The following NR6A1 variants were observed in gnomAD, a reference collection of about 807,000 sequenced individuals.
NR6A1 encodes retinoic acid receptor-related testis-associated receptor.
NR6A1 carries 7 observed loss-of-function variants against 59.1 expected under a neutral mutation model. The ratio of observed to expected loss-of-function variants is 0.12; its 90% CI spans 0.07 to 0.22. NR6A1 has a LOEUF of 0.22. NR6A1 is among the 10% of genes least tolerant of loss of function. The pLI is 1.00. For synonymous variants in NR6A1, 243 were observed against 236.1 expected, an observed-to-expected ratio of 1.03 and a Z score of -0.27; for missense variants, 468 against 611.6, an observed-to-expected ratio of 0.77 and a Z score of 2.48.
intron 2 of NR6A1, among the ~76,000 whole-genome samples, chr9:124,612,323 T>G (rs981537617): frequency 2.0e-5 from 3 of 152,044 alleles, no homozygotes; most frequent in Non-Finnish European, 2.9e-5. Flanking sequence ...AGACCCTCCA[T>G]AGAACTGACC....
intron 2 of NR6A1, among the ~76,000 whole-genome samples, chr9:124,653,134 A>G (rs939796439): frequency 3.3e-5 from 5 of 152,202 alleles, no homozygotes; most frequent in African/African-American, 1.2e-4. Context: ...TTCAAGTCTC[A>G]GCTCTGCCTC....
At chr9:124,532,144 T>C (rs1833118582) in intron 7 of NR6A1, among the ~76,000 whole-genome samples, 1 of 152,208 alleles carries the variant, frequency 6.6e-6, no homozygotes, top group Non-Finnish European at 1.5e-5. Context: ...CTCTAGTCAA[T>C]TCTCCCCTCA....
chr9:124,569,830 T>C (rs1427542509), intron 2 of NR6A1, among the ~76,000 whole-genome samples: 1 of 152,236 alleles, frequency 6.6e-6, no homozygotes, highest in East Asian at 1.9e-4. Flanking sequence ...CATACTACTA[T>C]AAAATTCCAT....
At chr9:124,764,166 AGAGT>A (rs1840861212) in intron 1 of NR6A1, among the ~76,000 whole-genome samples, 1 of 150,552 alleles carries the variant, frequency 6.6e-6, no homozygotes, top group South Asian at 2.1e-4. Context: ...CCTGGGCAAC[AGAGT>A]GAGACTCCAT....
intron 2 of NR6A1, among the ~76,000 whole-genome samples, chr9:124,602,175 C>G (rs1835469158): frequency 1.3e-5 from 2 of 152,098 alleles, no homozygotes; most frequent in African/African-American, 4.8e-5. Context: ...AAGATTTTAT[C>G]CATGAATTTT....
At chr9:124,626,379 T>G (rs189785850) in intron 2 of NR6A1, among the ~76,000 whole-genome samples, 158 of 152,270 alleles carry the variant, frequency 1.0e-3, no homozygotes, top group African/African-American at 3.5e-3. Context: ...TCTCCATCCA[T>G]CCAGCCAGCC....
intron 2 of NR6A1, among the ~76,000 whole-genome samples, chr9:124,651,948 GC>G (rs1837118037): frequency 6.6e-6 from 1 of 152,074 alleles, no homozygotes; most frequent in Non-Finnish European, 1.5e-5. Context: ...AAGCTTGACA[GC>G]CAATCTAATT....
chr9:124,676,279 T>G (rs1354409677), intron 2 of NR6A1, among the ~76,000 whole-genome samples: 1 of 152,160 alleles, frequency 6.6e-6, no homozygotes, highest in East Asian at 1.9e-4. Flanking sequence ...AATATTGAGC[T>G]GCAAACTCTG....
intron 2 of NR6A1, among the ~76,000 whole-genome samples, chr9:124,583,712 A>G (rs1206527005): frequency 1.3e-5 from 2 of 152,164 alleles, no homozygotes; most frequent in African/African-American, 2.4e-5. Context: ...GCATGTGCTC[A>G]TGCTGCTCCT....
intron 2 of NR6A1, among the ~76,000 whole-genome samples, chr9:124,688,977 G>C (rs1357879640): frequency 6.6e-6 from 1 of 152,090 alleles, no homozygotes; most frequent in African/African-American, 2.4e-5. Flanking sequence ...AAACTAAAAC[G>C]TTATGGGAAA....
At chr9:124,634,539 C>G (rs1200295815) in intron 2 of NR6A1, among the ~76,000 whole-genome samples, 1 of 151,958 alleles carries the variant, frequency 6.6e-6, no homozygotes. Flanking sequence ...GACTTTATTT[C>G]TGCCGGGCAC....
At chr9:124,718,544 G>A (rs1839469993) in intron 2 of NR6A1, among the ~76,000 whole-genome samples, 2 of 152,266 alleles carry the variant, frequency 1.3e-5, no homozygotes, top group East Asian at 3.9e-4. Flanking sequence ...TGGCAGAATA[G>A]CCATGGAAAT....
At chr9:124,668,525 A>G (rs1588763340) in intron 2 of NR6A1, among the ~76,000 whole-genome samples, 1 of 152,342 alleles carries the variant, frequency 6.6e-6, no homozygotes, top group East Asian at 1.9e-4. Context: ...GATAATACAG[A>G]AAAACATAAA....
chr9:124,673,637 G>A (rs1214488829), intron 2 of NR6A1, among the ~76,000 whole-genome samples: 1 of 152,018 alleles, frequency 6.6e-6, no homozygotes, highest in African/African-American at 2.4e-5. Context: ...AATCTATAGA[G>A]TAATGAATCC....
At chr9:124,588,156 T>C (rs571280758) in intron 2 of NR6A1, among the ~76,000 whole-genome samples, 43 of 152,346 alleles carry the variant, frequency 2.8e-4, no homozygotes, top group South Asian at 2.1e-4. Context: ...TGATGGACTT[T>C]CCATACTAAA....
chr9:124,529,367 T>A lies in NR6A1; in HGVS notation c.1080-2467A>T, dbSNP rs184295839. Among the ~76,000 whole-genome samples the A allele has an allele frequency of 2.3e-4, 35 of 152,304 alleles. No individual in the cohort carries two copies. In the South Asian group the frequency reaches 4.1e-3, roughly 18 times the overall value. On this transcript the variant is annotated intron_variant, in intron 7 of 9. Coordinates refer to ENST00000487099, the MANE Select transcript of NR6A1 (RefSeq NM_033334.4). ...GTGGAAATGAAGGCTCAGGGAGTTA[T>A]TTACTGAGTCTCTATTATGTATTAG...
chr9:124,729,987 T>G lies in NR6A1; in HGVS notation c.142+3321A>C, dbSNP rs1448747183. Among the ~76,000 whole-genome samples, 27 of 151,858 alleles carry G rather than the reference T, an allele frequency of 1.8e-4. 1 individual carries two copies. The highest frequency in any genetic ancestry group is 1.7e-3 in the Admixed American group (26 of 15,256). ...GCCACCACAACCCAGCTAATTTTGT[T>G]TTTTTAGTAGAGATGGGGTTTCTCA... On this transcript the variant is annotated intron_variant, in intron 2 of 9. Coordinates refer to ENST00000487099, the MANE Select transcript of NR6A1 (RefSeq NM_033334.4).
At chr9:124,685,934 G>C (rs560084940) in intron 2 of NR6A1, among the ~76,000 whole-genome samples, 2 of 152,258 alleles carry the variant, frequency 1.3e-5, no homozygotes, top group Middle Eastern at 6.8e-3. Flanking sequence ...CTTTTCTACA[G>C]AACACACATT....
At chr9:124,640,488 C>T (rs150130247) in intron 2 of NR6A1, among the ~76,000 whole-genome samples, 1 of 152,224 alleles carries the variant, frequency 6.6e-6, no homozygotes, top group Non-Finnish European at 1.5e-5. Context: ...TAACCATGAA[C>T]TCATGGGCTC....
Sources: gnomAD v4.1 joint callset for allele counts (sites outside exome capture counted in the v4.1 genomes callset) on GRCh38, gnomAD v4.1.1 for gene constraint, MANE v1.5 for transcripts, NCBI Gene and HGNC (gene_info 2026-07-23, HGNC 2026-07-21) for gene names.